The following TNNT2 variants were observed in gnomAD, a reference collection of about 807,000 sequenced individuals.
TNNT2 encodes troponin T, cardiac muscle.
A neutral mutation model predicts 62.4 loss-of-function variants in TNNT2; 34 were observed. That is an observed-to-expected ratio of 0.54 (90% CI 0.41 to 0.72). The LOEUF (loss-of-function observed/expected upper bound fraction) is 0.72. TNNT2 is among the 30% of genes least tolerant of loss of function. TNNT2 has a pLI of 0.00. For missense variants in TNNT2, 275 were observed against 381.9 expected, an observed-to-expected ratio of 0.72 and a Z score of 2.33; for synonymous variants, 123 against 127.2, an observed-to-expected ratio of 0.97 and a Z score of 0.22.
chr1:201,364,731 A>C (rs1279712091), intron 10 of TNNT2, among the ~76,000 whole-genome samples: 2 of 152,246 alleles, frequency 1.3e-5, no homozygotes, highest in African/African-American at 4.8e-5. Flanking sequence ...CTCCAGCCAG[A>C]GCAGCATGTC....
In TNNT2 at chr1:201,367,856, C is replaced by T. The variant is rs3729843; in HGVS notation, c.164-50G>A. 0.42 allele frequency: 681,669 copies of T among 1,606,412 alleles called. 151,414 individuals carry two copies. The highest frequency in any genetic ancestry group is 0.5 in the Admixed American group (29,800 of 59,976). On this transcript the variant is annotated intron_variant, in intron 6 of 16. Transcript: ENST00000656932. ...CAAGGTCCTTGTTCTGAGCTCAAGT[C>T]CCCCCCTCCGCCACCAGCAAGAGCC...
At chr1:201,359,859 C>T (rs1658284118) in intron 15 of TNNT2, among the ~76,000 whole-genome samples, 196 bp from the exon 16 acceptor site, 1 of 152,138 alleles carries the variant, frequency 6.6e-6, no homozygotes, top group Non-Finnish European at 1.5e-5. Flanking sequence ...CAAGGAGAAG[C>T]TTCCAGGATG....
At chr1:201,364,511 C>T in intron 10 of TNNT2, 136 bp from the exon 11 acceptor site, 1 of 863,752 alleles carries the variant, frequency 1.2e-6, no homozygotes, top group Non-Finnish European at 1.9e-6. Context: ...TGGTGCCCGG[C>T]CTCCAAGGGC....
At chr1:201,369,232 C>A in intron 5 of TNNT2, 1 of 467,350 alleles carries the variant, frequency 2.1e-6, no homozygotes, top group Non-Finnish European at 4.5e-6. Flanking sequence ...TGAGATATAG[C>A]TGTCAGAACG....
intron 10 of TNNT2, among the ~76,000 whole-genome samples, 171 bp downstream of exon 10, chr1:201,365,019 GT>G (rs1659397249): frequency 6.6e-6 from 1 of 152,140 alleles, no homozygotes; most frequent in Non-Finnish European, 1.5e-5. Flanking sequence ...CGAGAAACCA[GT>G]CAGGGCTGCA....
intron 4 of TNNT2, among the ~76,000 whole-genome samples, chr1:201,370,768 C>A (rs1660497815): frequency 6.6e-6 from 1 of 152,194 alleles, no homozygotes; most frequent in African/African-American, 2.4e-5. Context: ...GCAGATTGGT[C>A]CCAAATCCAG....
In TNNT2 at chr1:201,362,729, C is replaced by T. The variant is rs1658910640; in HGVS notation, c.601-335G>A. ...CCTAGAGAAAATCAATTTCACATATCCCTCCTCCCTCGAGAATGGAGGACC... is the reference window on the plus strand; with the variant it reads ...CCTAGAGAAAATCAATTTCACATATTCCTCCTCCCTCGAGAATGGAGGACC... On this transcript the variant is annotated intron_variant, in intron 12 of 16. Coordinates refer to ENST00000656932, the MANE Select transcript of TNNT2 (RefSeq NM_001276345.2). Among the ~76,000 whole-genome samples the T allele has an allele frequency of 2.0e-5, 3 of 152,278 alleles. No individual in the cohort carries two copies. In the South Asian group the frequency reaches 6.2e-4, roughly 32 times the overall value.
In TNNT2 at chr1:201,365,675, T is replaced by C. The variant is rs1659535243; in HGVS notation, c.234-5A>G. On this transcript the variant is annotated splice_region_variant and splice_polypyrimidine_tract_variant and intron_variant, in intron 8 of 16. Coordinates refer to ENST00000656932, the MANE Select transcript of TNNT2 (RefSeq NM_001276345.2). ...ACCAAGTTGGGCATGAACGACCTGTTGGAGAGAGGAATAGTCAGCATCAGC... is the reference window on the plus strand; with the variant it reads ...ACCAAGTTGGGCATGAACGACCTGTCGGAGAGAGGAATAGTCAGCATCAGC... The C allele has an allele frequency of 6.2e-7, 1 of 1,613,570 alleles. No homozygotes were observed. Among genetic ancestry groups the C allele is most frequent in the South Asian group, 1.1e-5 (1 of 90,902 alleles).
Position 201,371,795 on chromosome 1 carries a change from C to T in TNNT2, c.67+232G>A, listed in dbSNP as rs112173328. On this transcript the variant is annotated intron_variant, in intron 4 of 16. Coordinates refer to ENST00000656932, the MANE Select transcript of TNNT2 (RefSeq NM_001276345.2). ...AGCAAAAAAAATTGGGAAAAGTGAT[C>T]AGTGTGTTTGAAGCAAATGGCAGAC... 3.2e-3 allele frequency among the ~76,000 whole-genome samples: 487 copies of T among 152,226 alleles called. 2 individuals are homozygous for T. Among genetic ancestry groups the T allele is most frequent in the Middle Eastern group, 0.014 (4 of 294 alleles).
At position 201,360,724 on chromosome 1, in the gene TNNT2, G is replaced by T. The variant is rs117303908; in HGVS notation, c.810+555C>A. On this transcript the variant is annotated intron_variant, in intron 15 of 16. Transcript: ENST00000656932. The stretch of plus-strand genomic sequence containing the variant: ...GCCCTGGGACCGGGGCTCGGGGGTG[G>T]TGGGTAAGGAAGGACTGGCGCCCAG... The T allele has an allele frequency of 1.1e-4, 17 of 156,520 alleles. No homozygotes were observed. The East Asian group carries it at 3.2e-3, about 30-fold the overall frequency. The allele number at this position is 156,520 out of a possible 1,614,324, so 9.7% of individuals were successfully genotyped here.
chr1:201,360,044 C>T (rs140467771), intron 15 of TNNT2, among the ~76,000 whole-genome samples: 226 of 152,302 alleles, frequency 1.5e-3, no homozygotes, highest in Non-Finnish European at 2.5e-3. Context: ...CCCACCATCC[C>T]GGAAGCTGTG....
chr1:201,362,123 G>T (rs755663083), intron 13 of TNNT2, 101 bp from the exon 14 acceptor site: 13 of 1,351,198 alleles, frequency 9.6e-6, no homozygotes, highest in Non-Finnish European at 1.4e-5. Context: ...CTGCAGGAGG[G>T]CCAGGTTCTT....
chr1:201,373,036 T>C, intron 2 of TNNT2, 178 bp downstream of exon 2: 1 of 748,216 alleles, frequency 1.3e-6, no homozygotes, highest in East Asian at 2.5e-5. Flanking sequence ...CTGCCTGGGA[T>C]CTACAACCCA....
intron 4 of TNNT2, among the ~76,000 whole-genome samples, chr1:201,371,288 G>C (rs1660574270): frequency 6.6e-6 from 1 of 152,194 alleles, no homozygotes; most frequent in African/African-American, 2.4e-5. Flanking sequence ...AGAAGGGAAG[G>C]TGAGGGCGTT....
Position 201,361,315 on chromosome 1 carries a change from G to A in TNNT2, c.774C>T (p.Phe258=), listed in dbSNP as rs397516481. 7.6e-5 allele frequency: 123 copies of A among 1,614,110 alleles called. 1 individual carries two copies. Among genetic ancestry groups the A allele is most frequent in the Non-Finnish European group, 9.8e-5 (116 of 1,179,992 alleles). Residue 258 remains phenylalanine, a synonymous_variant, in exon 15 of 17, where the codon TTC becomes TTT. Coordinates refer to ENST00000656932, the MANE Select transcript of TNNT2 (RefSeq NM_001276345.2). ...GCTGCTTGAACTTCTCCTGCAGGTC[G>A]AACTTCTCTGCCTCCAAGTTATAGA... The part of the protein sequence containing the change: ...QSIYNLEAEK[F]DLQEKFKQQK...
intron 2 of TNNT2, chr1:201,372,990 A>G (rs2102314579): frequency 1.5e-6 from 1 of 677,634 alleles, no homozygotes; most frequent in South Asian, 1.5e-5. Flanking sequence ...CCTGGAGCTG[A>G]ACCTCTGTGC....
intron 4 of TNNT2, among the ~76,000 whole-genome samples, chr1:201,371,687 G>C (rs1660622375): frequency 6.6e-6 from 1 of 152,056 alleles, no homozygotes; most frequent in African/African-American, 2.4e-5. Context: ...CTGGTAATGG[G>C]TACCTTGGGC....
intron 12 of TNNT2, 27 bp from the exon 13 acceptor site, chr1:201,362,421 G>T (rs1390799810): frequency 6.2e-6 from 10 of 1,612,702 alleles, no homozygotes; most frequent in Non-Finnish European, 8.5e-6. Flanking sequence ...TGAGAGAGAG[G>T]CCCATAGAAA....
At chr1:201,372,400 T>C (rs1193968195) in intron 2 of TNNT2, among the ~76,000 whole-genome samples, 2 of 152,196 alleles carry the variant, frequency 1.3e-5, no homozygotes, top group Non-Finnish European at 2.9e-5. Context: ...CAGCTTGGTC[T>C]CACCAGCGTT....
Sources: allele counts gnomAD v4.1 joint callset (sites outside exome capture counted in the v4.1 genomes callset), GRCh38; gene constraint gnomAD v4.1.1; transcripts MANE v1.5; gene names NCBI Gene and HGNC (gene_info 2026-07-23, HGNC 2026-07-21).